Variants in EEPD1 observed in about 807,000 individuals in gnomAD.
The protein encoded by EEPD1 is endonuclease/exonuclease/phosphatase family domain-containing protein 1.
A neutral mutation model predicts 46.3 loss-of-function variants in EEPD1; 17 were observed. The observed-to-expected ratio is 0.37, with a 90% CI of 0.25 to 0.55. The LOEUF is 0.55. Ranked by LOEUF, EEPD1 falls within the 20% of genes least tolerant of loss-of-function variation. The pLI is 0.83. For synonymous variants in EEPD1, 313 were observed against 315.6 expected, an observed-to-expected ratio of 0.99 and a Z score of 0.09; for missense variants, 673 against 745.6, an observed-to-expected ratio of 0.90 and a Z score of 1.13.
chr7:36,208,905 G>T (rs1441967860), intron 2 of EEPD1, among the ~76,000 whole-genome samples: 1 of 152,156 alleles, frequency 6.6e-6, no homozygotes, highest in Non-Finnish European at 1.5e-5. Flanking sequence ...ATTCAAACGG[G>T]GTCCAGCAGT....
At chr7:36,157,749 A>T (rs1020741028) in intron 2 of EEPD1, among the ~76,000 whole-genome samples, 2 of 152,218 alleles carry the variant, frequency 1.3e-5, no homozygotes, top group African/African-American at 4.8e-5. Context: ...TAATGGACTC[A>T]GGGCCTGATC....
intron 2 of EEPD1, among the ~76,000 whole-genome samples, chr7:36,157,317 G>A (rs1784839699): frequency 6.6e-6 from 1 of 152,148 alleles, no homozygotes; most frequent in Non-Finnish European, 1.5e-5. Flanking sequence ...TTCTGACCAA[G>A]CGTTGAGGAG....
intron 3 of EEPD1, among the ~76,000 whole-genome samples, chr7:36,263,045 TA>T (rs751447453): frequency 2.0e-5 from 3 of 152,116 alleles, no homozygotes; most frequent in Admixed American, 1.3e-4. Context: ...AATAAAATGA[TA>T]AAAAACTTTA....
At chr7:36,290,336 A>T (rs1219189411) in intron 6 of EEPD1, among the ~76,000 whole-genome samples, 2 of 152,070 alleles carry the variant, frequency 1.3e-5, no homozygotes, top group Non-Finnish European at 2.9e-5. Flanking sequence ...GCCTTGACTC[A>T]TCCAAGTAGG....
chr7:36,270,498 G>T (rs1183022999), intron 3 of EEPD1, among the ~76,000 whole-genome samples: 3 of 151,940 alleles, frequency 2.0e-5, no homozygotes, highest in African/African-American at 7.3e-5. Context: ...GATGTTCCCT[G>T]CCCTGTGTCC....
chr7:36,264,054 T>G (rs926276685), intron 3 of EEPD1, among the ~76,000 whole-genome samples: 4 of 152,192 alleles, frequency 2.6e-5, no homozygotes, highest in African/African-American at 9.7e-5. Flanking sequence ...GGGAGAGACT[T>G]TTACATGGAT....
chr7:36,287,104 GCACA>G (rs1787351917), intron 5 of EEPD1, among the ~76,000 whole-genome samples: 1 of 151,802 alleles, frequency 6.6e-6, no homozygotes, highest in East Asian at 1.9e-4. Flanking sequence ...GGGCATGGTG[GCACA>G]CACCTATAAT....
intron 2 of EEPD1, among the ~76,000 whole-genome samples, chr7:36,167,540 G>A (rs1785006561): frequency 6.6e-6 from 1 of 152,012 alleles, no homozygotes; most frequent in African/African-American, 2.4e-5. Flanking sequence ...TCTGAAATGA[G>A]AGCAGTGACC....
At chr7:36,279,905 T>A (rs1192163662) in intron 3 of EEPD1, among the ~76,000 whole-genome samples, 1 of 152,084 alleles carries the variant, frequency 6.6e-6, no homozygotes, top group African/African-American at 2.4e-5. Flanking sequence ...GTGGGTCCAG[T>A]GACGGACTTC....
chr7:36,231,085 A>G (rs1786316820), intron 2 of EEPD1: 1 of 152,202 alleles, frequency 6.6e-6, no homozygotes, highest in Non-Finnish European at 1.5e-5. Flanking sequence ...TGAAGCATCC[A>G]TAGAGTTATC....
intron 2 of EEPD1, among the ~76,000 whole-genome samples, chr7:36,200,661 G>A (rs73338931): frequency 0.033 from 5,089 of 152,250 alleles, 273 homozygotes; most frequent in African/African-American, 0.12. Flanking sequence ...TTAACATGGA[G>A]GGTTTGTTTG....
chr7:36,154,104 G>A lies in EEPD1; in HGVS notation c.-192-29G>A, dbSNP rs1458817072. The A allele has an allele frequency of 1.2e-5, 7 of 608,512 alleles. No homozygotes were observed. Among genetic ancestry groups the A allele is most frequent in the African/African-American group, 5.5e-5 (3 of 54,090 alleles). 37.7% of individuals were successfully genotyped at this position (608,512 alleles called of 1,614,324 possible). On this transcript the variant is annotated intron_variant, in intron 1 of 7. Coordinates refer to ENST00000242108, the MANE Select transcript of EEPD1 (RefSeq NM_030636.3). The surrounding 1 kb of genome is among the most constrained non-coding windows in gnomAD (Gnocchi z 4.2). ...TAATGCAAATTTCTTAATTCAATGG[G>A]TTTCTATGTTTATTGATTTATTTTC...
chr7:36,299,227 C>T lies in EEPD1; in HGVS notation c.*21C>T. The T allele has an allele frequency of 6.2e-7, 1 of 1,609,700 alleles. No individual in the cohort carries two copies. Among genetic ancestry groups the T allele is most frequent in the Non-Finnish European group, 8.5e-7 (1 of 1,177,782 alleles). On this transcript the variant is annotated 3_prime_UTR_variant, in exon 8 of 8. Coordinates refer to ENST00000242108, the MANE Select transcript of EEPD1 (RefSeq NM_030636.3). ...GATGATGACACCAAATCCATGTGTC[C>T]ACCCTGGGACCCAGGAGGGCACAGC...
intron 2 of EEPD1, among the ~76,000 whole-genome samples, chr7:36,197,145 C>T (rs910338380): frequency 1.3e-5 from 2 of 150,636 alleles, no homozygotes; most frequent in Admixed American, 6.6e-5. Context: ...GCAACCGCCC[C>T]GTCTGAGAAG....
intron 2 of EEPD1, among the ~76,000 whole-genome samples, chr7:36,166,638 T>A (rs540573093): frequency 6.6e-6 from 1 of 152,160 alleles, no homozygotes; most frequent in Non-Finnish European, 1.5e-5. Flanking sequence ...GTATGAGAAA[T>A]GAGACTGTGA....
intron 2 of EEPD1, among the ~76,000 whole-genome samples, chr7:36,184,501 C>A (rs987878668): frequency 1.3e-5 from 2 of 152,152 alleles, no homozygotes; most frequent in Non-Finnish European, 2.9e-5. Context: ...CCTGGGAATA[C>A]CAGCCCTGGG....
chr7:36,257,300 C>T (rs1000476629), intron 3 of EEPD1, among the ~76,000 whole-genome samples: 6 of 151,544 alleles, frequency 4.0e-5, no homozygotes, highest in African/African-American at 1.2e-4. Flanking sequence ...TTATGTGTCT[C>T]GGGGTCGCTC....
At chr7:36,207,214 C>G (rs563363854) in intron 2 of EEPD1, among the ~76,000 whole-genome samples, 1 of 152,270 alleles carries the variant, frequency 6.6e-6, no homozygotes, top group South Asian at 2.1e-4. Context: ...GAAAACAAAT[C>G]ATGATGTCAG....
chr7:36,271,844 C>G (rs967070972), intron 3 of EEPD1, among the ~76,000 whole-genome samples: 1 of 71,616 alleles, frequency 1.4e-5, no homozygotes, highest in Non-Finnish European at 3.6e-5. Flanking sequence ...CTATTCTATT[C>G]TATTCTATTC....
Sources: gnomAD v4.1 joint callset for allele counts (sites outside exome capture counted in the v4.1 genomes callset) on GRCh38, gnomAD v4.1.1 for gene constraint, Gnocchi (gnomAD v3.1) non-coding constraint, MANE v1.5 for transcripts, NCBI Gene and HGNC (gene_info 2026-07-23, HGNC 2026-07-21) for gene names.